Variants in ZNF521 observed in about 807,000 individuals in gnomAD.
ZNF521 encodes LYST-interacting protein 3.
Under a neutral mutation model 105.5 loss-of-function variants are expected in ZNF521, and 14 were observed. The observed-to-expected ratio is 0.13, with a 90% confidence interval of 0.09 to 0.21. The LOEUF (loss-of-function observed/expected upper bound fraction) is 0.21. ZNF521 is among the 10% of genes least tolerant of loss of function. The pLI, the probability that ZNF521 is intolerant of heterozygous loss-of-function variation, is 1.00. For synonymous variants in ZNF521, 635 were observed against 606.0 expected, an observed-to-expected ratio of 1.05 and a Z score of -0.70; for missense variants, 1,233 against 1,629.7, an observed-to-expected ratio of 0.76 and a Z score of 4.19.
chr18:25,347,356 C>G (rs1306866982), intron 2 of ZNF521, among the ~76,000 whole-genome samples: 2 of 152,154 alleles, frequency 1.3e-5, no homozygotes, highest in African/African-American at 4.8e-5. Flanking sequence ...ACCATAAGGA[C>G]AGAATAAGTT....
In ZNF521 at chr18:25,180,939, A is replaced by G. The variant is rs536501463; in HGVS notation, c.3658+14221T>C. Among the ~76,000 whole-genome samples the G allele has an allele frequency of 7.2e-5, 11 of 152,302 alleles. 1 individual carries two copies. In the South Asian group the frequency reaches 2.3e-3, roughly 32 times the overall value. On this transcript the variant is annotated intron_variant, in intron 5 of 7. Transcript: ENST00000361524. ...GCCCTGAATTCGTGGTACTCATTCT[A>G]TCAGTATTCCTTCATGTAAGTGATT...
intron 5 of ZNF521, among the ~76,000 whole-genome samples, chr18:25,190,485 C>T (rs1324381108): frequency 6.6e-6 from 1 of 152,108 alleles, no homozygotes; most frequent in African/African-American, 2.4e-5. Flanking sequence ...ATGCAAAGAT[C>T]CATATATTTG....
intron 3 of ZNF521, among the ~76,000 whole-genome samples, chr18:25,237,027 C>T (rs1453024781): frequency 1.3e-5 from 2 of 152,064 alleles, no homozygotes; most frequent in Non-Finnish European, 2.9e-5. Flanking sequence ...TTATTTTTCA[C>T]TTTTGGTTTG....
chr18:25,331,705 T>C (rs536165390), intron 2 of ZNF521, among the ~76,000 whole-genome samples: 63 of 152,296 alleles, frequency 4.1e-4, no homozygotes, highest in African/African-American at 1.5e-3. Flanking sequence ...AAGTTAACTA[T>C]CTCAACAATT....
intron 3 of ZNF521, among the ~76,000 whole-genome samples, chr18:25,236,949 G>A (rs1350058103): frequency 6.6e-6 from 1 of 152,074 alleles, no homozygotes; most frequent in Non-Finnish European, 1.5e-5. Flanking sequence ...ATATAAAAGA[G>A]GCATTCTGAA....
intron 3 of ZNF521, among the ~76,000 whole-genome samples, chr18:25,243,375 ACAACT>A (rs1907482516): frequency 6.6e-6 from 1 of 152,192 alleles, no homozygotes; most frequent in South Asian, 2.1e-4. Context: ...GGTTAAAGAG[ACAACT>A]CAAGAGGTAG....
At chr18:25,075,267 T>A (rs1167810385) in intron 7 of ZNF521, among the ~76,000 whole-genome samples, 2 of 152,188 alleles carry the variant, frequency 1.3e-5, no homozygotes, top group Non-Finnish European at 2.9e-5. Context: ...AATAACTTCA[T>A]TAAACCGCCT....
chr18:25,069,473 A>T (rs72878183), intron 7 of ZNF521, among the ~76,000 whole-genome samples: 11,236 of 152,208 alleles, frequency 0.074, 555 homozygotes, highest in Middle Eastern at 0.15. Context: ...TACCATTAGG[A>T]ATTTTCTAAA....
At chr18:25,254,053 T>C (rs188150482) in intron 3 of ZNF521, among the ~76,000 whole-genome samples, 1 of 152,102 alleles carries the variant, frequency 6.6e-6, no homozygotes, top group African/African-American at 2.4e-5. Context: ...GAAACCAACT[T>C]GTCCAGCACA....
At chr18:25,317,372 G>A (rs558933668) in intron 3 of ZNF521, among the ~76,000 whole-genome samples, 11 of 152,032 alleles carry the variant, frequency 7.2e-5, no homozygotes, top group South Asian at 4.1e-4. Flanking sequence ...CTTTTGCTTC[G>A]ATTCAATTTT....
At chr18:25,130,568 G>A (rs2034621611) in intron 5 of ZNF521, among the ~76,000 whole-genome samples, 1 of 152,050 alleles carries the variant, frequency 6.6e-6, no homozygotes. Flanking sequence ...TAAAGTCATG[G>A]GGGAAAAACA....
intron 5 of ZNF521, among the ~76,000 whole-genome samples, chr18:25,108,627 T>A (rs768554494): frequency 1.3e-5 from 2 of 152,110 alleles, no homozygotes; most frequent in Non-Finnish European, 2.9e-5. Flanking sequence ...GTTAGAAATT[T>A]GATATTTCTT....
At chr18:25,307,295 C>A (rs1441029763) in intron 3 of ZNF521, among the ~76,000 whole-genome samples, 1 of 152,148 alleles carries the variant, frequency 6.6e-6, no homozygotes, top group African/African-American at 2.4e-5. Flanking sequence ...TGCATAAAAT[C>A]TTTGATGGTT....
chr18:25,346,877 T>A (rs1321742597), intron 2 of ZNF521, among the ~76,000 whole-genome samples: 1 of 152,178 alleles, frequency 6.6e-6, no homozygotes, highest in African/African-American at 2.4e-5. Context: ...AACTTGGCCA[T>A]CTAAATGACT....
intron 3 of ZNF521, among the ~76,000 whole-genome samples, chr18:25,246,347 T>C (rs1907719614): frequency 6.6e-6 from 1 of 152,244 alleles, no homozygotes; most frequent in Non-Finnish European, 1.5e-5. Context: ...TGAATATTCA[T>C]AATGTAGAAG....
At chr18:25,262,815 T>G (rs1909000225) in intron 3 of ZNF521, among the ~76,000 whole-genome samples, 1 of 152,072 alleles carries the variant, frequency 6.6e-6, no homozygotes, top group Non-Finnish European at 1.5e-5. Context: ...CCAGGGACAG[T>G]CTGGGATGGT....
intron 2 of ZNF521, among the ~76,000 whole-genome samples, chr18:25,322,553 A>ACC (rs71375177): frequency 1.1e-4 from 14 of 122,260 alleles, no homozygotes; most frequent in South Asian, 7.7e-4. Context: ...AAAAAAAAAA[A>ACC]CCCCCCCACT....
At chr18:25,177,330 G>A (rs2035551928) in intron 5 of ZNF521, among the ~76,000 whole-genome samples, 1 of 152,088 alleles carries the variant, frequency 6.6e-6, no homozygotes, top group African/African-American at 2.4e-5. Context: ...AAGAAAGGAA[G>A]GTGTGGGAGG....
At chr18:25,237,426 T>TTA (rs1208018961) in intron 3 of ZNF521, among the ~76,000 whole-genome samples, 1 of 152,042 alleles carries the variant, frequency 6.6e-6, no homozygotes, top group East Asian at 1.9e-4. Context: ...TTTTATTAAA[T>TTA]TATATATATG....
Sources: allele counts gnomAD v4.1 joint callset (sites outside exome capture counted in the v4.1 genomes callset), GRCh38; gene constraint gnomAD v4.1.1; transcripts MANE v1.5; gene names NCBI Gene and HGNC (gene_info 2026-07-23, HGNC 2026-07-21).